Variants in PPP1R42 observed in about 807,000 individuals in gnomAD.
PPP1R42 encodes leucine rich repeat containing 67.
A neutral mutation model predicts 31.0 loss-of-function variants in PPP1R42; 34 were observed. That is an observed-to-expected ratio of 1.10 (90% CI 0.83 to 1.46). The LOEUF (loss-of-function observed/expected upper bound fraction) is 1.46. Among genes scored for constraint, PPP1R42 ranks in the 40% most tolerant of loss-of-function variants. The probability of loss-of-function intolerance (pLI) is 0.00; values close to 1 mark genes in which losing one functional copy is unlikely to be tolerated. For synonymous variants in PPP1R42, 103 were observed against 109.8 expected (o/e 0.94, Z 0.39); for missense variants, 268 against 303.0 (o/e 0.88, Z 0.86).
chr8:67,018,818 C>CT (rs1468958098), intron 1 of PPP1R42, among the ~76,000 whole-genome samples: 2 of 40,164 alleles, frequency 5.0e-5, no homozygotes, highest in African/African-American at 1.6e-4. Flanking sequence ...GCCCCCGCCC[C>CT]CCCCCCCTTT....
chr8:66,971,588 CT>C (rs1400033473), intron 7 of PPP1R42, among the ~76,000 whole-genome samples: 2 of 152,092 alleles, frequency 1.3e-5, no homozygotes, highest in Non-Finnish European at 2.9e-5. Context: ...CCCTATTCAC[CT>C]CTAATCCACA....
chr8:67,013,207 G>T, intron 3 of PPP1R42, 111 bp from the exon 4 acceptor site: 1 of 792,722 alleles, frequency 1.3e-6, no homozygotes, highest in Non-Finnish European at 1.9e-6. Flanking sequence ...AATTATAAAT[G>T]TGGAATGTTG....
At chr8:67,014,293 T>G in intron 3 of PPP1R42, 133 bp downstream of exon 3, 1 of 501,414 alleles carries the variant, frequency 2.0e-6, no homozygotes, top group Non-Finnish European at 3.4e-6. Context: ...CATATAAGTA[T>G]GAAATCATAT....
At chr8:67,021,997 T>C (rs1217248629) in intron 1 of PPP1R42, among the ~76,000 whole-genome samples, 1 of 152,214 alleles carries the variant, frequency 6.6e-6, no homozygotes, top group Admixed American at 6.5e-5. Flanking sequence ...TTTATGATTT[T>C]GTATATATCA....
intron 3 of PPP1R42, among the ~76,000 whole-genome samples, chr8:67,013,922 A>G (rs1332294520): frequency 6.6e-6 from 1 of 152,174 alleles, no homozygotes; most frequent in East Asian, 1.9e-4. Context: ...GGATCCACCA[A>G]TCTTCATTGT....
intron 7 of PPP1R42, among the ~76,000 whole-genome samples, chr8:66,980,696 T>C (rs975182662): frequency 5.3e-5 from 8 of 152,174 alleles, no homozygotes; most frequent in Non-Finnish European, 1.2e-4. Flanking sequence ...ATTTCCCTTT[T>C]CCTATTTCCC....
At chr8:67,021,206 A>G (rs1011909420) in intron 1 of PPP1R42, 2 of 152,194 alleles carry the variant, frequency 1.3e-5, no homozygotes, top group Non-Finnish European at 2.9e-5. Context: ...AGAAGGAAAA[A>G]TGAATTCAGT....
At chr8:66,989,954 CCTTT>C (rs554476777) in intron 5 of PPP1R42, among the ~76,000 whole-genome samples, 154 of 152,258 alleles carry the variant, frequency 1.0e-3, no homozygotes, top group African/African-American at 3.4e-3. Flanking sequence ...TAACTAATTC[CCTTT>C]CTCTTAATTT....
intron 5 of PPP1R42, among the ~76,000 whole-genome samples, chr8:67,000,028 A>G (rs1815438018): frequency 6.6e-6 from 1 of 152,142 alleles, no homozygotes; most frequent in South Asian, 2.1e-4. Context: ...AATATTTGCA[A>G]AGAACCAGCT....
intron 7 of PPP1R42, among the ~76,000 whole-genome samples, chr8:66,966,698 T>C (rs1814390417): frequency 6.6e-6 from 1 of 151,338 alleles, no homozygotes; most frequent in Non-Finnish European, 1.5e-5. Context: ...GGCAGGAGAA[T>C]GGCATGAACC....
intron 6 of PPP1R42, among the ~76,000 whole-genome samples, chr8:66,987,583 C>T (rs902969023): frequency 6.6e-6 from 1 of 152,116 alleles, no homozygotes; most frequent in East Asian, 1.9e-4. Context: ...TGAGCCACCG[C>T]GCCCGGCCTC....
chr8:67,018,990 C>A (rs541519357), intron 1 of PPP1R42, among the ~76,000 whole-genome samples: 1 of 151,254 alleles, frequency 6.6e-6, no homozygotes, highest in African/African-American at 2.4e-5. Context: ...CCGCCATGCC[C>A]GGCTAATTTT....
At chr8:66,980,591 G>A (rs1201413470) in intron 7 of PPP1R42, among the ~76,000 whole-genome samples, 1 of 151,988 alleles carries the variant, frequency 6.6e-6, no homozygotes, top group Non-Finnish European at 1.5e-5. Context: ...CTCTCCACCC[G>A]TGCTCCTCCT....
chr8:66,998,978 A>G (rs1451812055), intron 5 of PPP1R42, among the ~76,000 whole-genome samples: 1 of 151,954 alleles, frequency 6.6e-6, no homozygotes, highest in Non-Finnish European at 1.5e-5. Context: ...TTCATAGGGT[A>G]TATTGCTCTT....
rs1182364983 is a variant in PPP1R42 at position 66,964,198 on chromosome 8, C to A, written c.*123G>T. 6.7e-6 allele frequency: 4 copies of A among 600,274 alleles called. No individual in the cohort carries two copies. In the East Asian group the frequency reaches 2.7e-4, roughly 40 times the overall value. The allele number at this position is 600,274 out of a possible 1,614,324, so 37.2% of individuals were successfully genotyped here. On this transcript the variant is annotated 3_prime_UTR_variant, in exon 8 of 8. Coordinates refer to ENST00000685739, the MANE Select transcript of PPP1R42 (RefSeq NM_001364910.1). ...ATATAAGGTTAAAAACAAAATCAAACGTTTCCTGTCACTTGAGGCTGAATT... is the reference window on the plus strand; with the variant it reads ...ATATAAGGTTAAAAACAAAATCAAAAGTTTCCTGTCACTTGAGGCTGAATT...
intron 6 of PPP1R42, chr8:66,984,114 G>A (rs542755926): frequency 5.3e-5 from 84 of 1,580,254 alleles, no homozygotes; most frequent in Non-Finnish European, 6.9e-5. Flanking sequence ...GAGGGGAGAG[G>A]CAAGGGCTTG....
chr8:67,018,078 C>G (rs371682812), intron 1 of PPP1R42, among the ~76,000 whole-genome samples: 2 of 151,680 alleles, frequency 1.3e-5, no homozygotes, highest in African/African-American at 4.8e-5. Flanking sequence ...TTTTTTCTTC[C>G]TGAGTAGTAT....
chr8:66,981,534 C>G (rs1185818997), intron 7 of PPP1R42, among the ~76,000 whole-genome samples: 1 of 151,910 alleles, frequency 6.6e-6, no homozygotes, highest in Non-Finnish European at 1.5e-5. Flanking sequence ...TGCCTGTCAC[C>G]ACGCCTGGCT....
intron 1 of PPP1R42, among the ~76,000 whole-genome samples, chr8:67,023,972 G>A (rs1413127155): frequency 2.0e-5 from 3 of 151,814 alleles, no homozygotes; most frequent in Non-Finnish European, 2.9e-5. Context: ...GTGAAAACCC[G>A]TCTCTACTAA....
Sources: gnomAD v4.1 joint callset for allele counts (sites outside exome capture counted in the v4.1 genomes callset) on GRCh38, gnomAD v4.1.1 for gene constraint, MANE v1.5 for transcripts, NCBI Gene and HGNC (gene_info 2026-07-23, HGNC 2026-07-21) for gene names.